The following STYK1 variants were observed in gnomAD, a reference collection of about 807,000 sequenced individuals.
STYK1 encodes the protein STY kinase 1.
STYK1 carries 46 observed loss-of-function variants against 48.1 expected under a neutral mutation model. The observed-to-expected ratio is 0.96, with a 90% CI of 0.75 to 1.22. The LOEUF (loss-of-function observed/expected upper bound fraction) is 1.22. Among genes scored for constraint, STYK1 ranks in the 50% most tolerant of loss-of-function variants. STYK1 has a pLI of 0.00. For missense variants in STYK1, 527 were observed against 521.1 expected (o/e 1.01, Z -0.11); for synonymous variants, 188 against 189.0 (o/e 0.99, Z 0.04).
Position 10,619,842 on chromosome 12 carries a change from TTTGTGCC to T in STYK1, c.*295_*301del. 4.6e-6 allele frequency: 2 copies of T among 433,566 alleles called. No individual in the cohort carries two copies. The highest frequency in any genetic ancestry group is 8.1e-6 in the Non-Finnish European group (2 of 246,968). 26.9% of individuals were successfully genotyped at this position (433,566 alleles called of 1,614,324 possible). On this transcript the variant is annotated 3_prime_UTR_variant, in exon 11 of 11. Transcript: ENST00000075503. ...GCCTCGGACGGGAGGGATGAGCTTATTTGTGCCATGCCCCAACAAATACTGCAGAGTT... is the reference window on the plus strand; with the variant it reads ...GCCTCGGACGGGAGGGATGAGCTTATATGCCCCAACAAATACTGCAGAGTT...
intron 8 of STYK1, among the ~76,000 whole-genome samples, chr12:10,623,940 G>A (rs1209400728): frequency 6.6e-6 from 1 of 152,030 alleles, no homozygotes; most frequent in Non-Finnish European, 1.5e-5. Flanking sequence ...ACATTTATAA[G>A]TTTTATGTTA....
intron 8 of STYK1, among the ~76,000 whole-genome samples, chr12:10,623,056 T>G (rs1028525942): frequency 2.6e-5 from 4 of 152,202 alleles, no homozygotes; most frequent in Non-Finnish European, 4.4e-5. Context: ...CTGCTGAAAT[T>G]CTTGCCTTTA....
chr12:10,637,695 C>T (rs980438831), intron 1 of STYK1, among the ~76,000 whole-genome samples: 11 of 152,150 alleles, frequency 7.2e-5, no homozygotes, highest in Admixed American at 1.3e-4. Flanking sequence ...TCCATGAAAG[C>T]TAATGTGGGA....
intron 1 of STYK1, among the ~76,000 whole-genome samples, chr12:10,649,834 C>T (rs564363139): frequency 6.6e-6 from 1 of 152,060 alleles, no homozygotes; most frequent in Non-Finnish European, 1.5e-5. Context: ...GGCTTCAGGC[C>T]GGGAGCAGTG....
intron 1 of STYK1, among the ~76,000 whole-genome samples, chr12:10,664,094 A>G (rs1947809386): frequency 6.6e-6 from 1 of 152,182 alleles, no homozygotes. Context: ...CCAGAAATGC[A>G]TTCTATGTGA....
intron 1 of STYK1, among the ~76,000 whole-genome samples, chr12:10,650,340 T>C (rs924331241): frequency 6.6e-6 from 1 of 152,128 alleles, no homozygotes; most frequent in African/African-American, 2.4e-5. Context: ...AGCCTTGGTT[T>C]ACTAACCTAT....
intron 1 of STYK1, among the ~76,000 whole-genome samples, chr12:10,637,960 C>G (rs866997429): frequency 2.0e-5 from 3 of 152,312 alleles, no homozygotes; most frequent in Non-Finnish European, 2.9e-5. Context: ...GATTCCTGTT[C>G]AATCTGACCA....
chr12:10,650,147 A>C (rs1027338462), intron 1 of STYK1, among the ~76,000 whole-genome samples: 2 of 149,756 alleles, frequency 1.3e-5, no homozygotes, highest in African/African-American at 2.5e-5. Flanking sequence ...AAAAAAAAAA[A>C]ATCTTGAGTT....
intron 1 of STYK1, among the ~76,000 whole-genome samples, chr12:10,663,787 T>C (rs2120803750): frequency 6.6e-6 from 1 of 151,430 alleles, no homozygotes; most frequent in African/African-American, 2.4e-5. Flanking sequence ...GTTAAGGATG[T>C]AGATCAATTT....
intron 1 of STYK1, among the ~76,000 whole-genome samples, chr12:10,663,491 C>T (rs1006326380): frequency 2.0e-5 from 3 of 150,000 alleles, no homozygotes; most frequent in Non-Finnish European, 4.4e-5. Context: ...CCCAGCTACT[C>T]GGGAGGCTGA....
intron 10 of STYK1, 61 bp from the exon 11 acceptor site, chr12:10,620,409 T>A: frequency 6.6e-7 from 1 of 1,505,738 alleles, no homozygotes; most frequent in Non-Finnish European, 9.1e-7. Context: ...GGAGCATGTC[T>A]CCTCTCCTCA....
intron 1 of STYK1, among the ~76,000 whole-genome samples, chr12:10,648,785 A>G (rs1219422280): frequency 1.3e-5 from 2 of 152,082 alleles, no homozygotes; most frequent in Non-Finnish European, 2.9e-5. Context: ...AGGCTGATGT[A>G]AAATTCCTGG....
intron 1 of STYK1, among the ~76,000 whole-genome samples, chr12:10,669,264 T>C (rs1444631756): frequency 2.0e-5 from 3 of 152,128 alleles, no homozygotes; most frequent in Non-Finnish European, 4.4e-5. Context: ...CAAGGGGGAA[T>C]GGGGAGTAGT....
At chr12:10,664,803 T>C (rs10743917) in intron 1 of STYK1, among the ~76,000 whole-genome samples, 55,986 of 152,096 alleles carry the variant, frequency 0.37, 10,767 homozygotes, top group East Asian at 0.59. Context: ...TAGTTATAAA[T>C]CACATTAGGT....
intron 10 of STYK1, 56 bp from the exon 11 acceptor site, chr12:10,620,404 A>T: frequency 6.5e-7 from 1 of 1,529,220 alleles, no homozygotes; most frequent in East Asian, 2.3e-5. Context: ...TATGGGGAGC[A>T]TGTCTCCTCT....
chr12:10,632,136 G>A (rs916668313), intron 4 of STYK1, among the ~76,000 whole-genome samples: 2 of 151,652 alleles, frequency 1.3e-5, no homozygotes, highest in African/African-American at 2.4e-5. Flanking sequence ...AGGATCTCCT[G>A]AGCCCAGGAG....
At chr12:10,629,021 A>T (rs1591677731) in intron 6 of STYK1, among the ~76,000 whole-genome samples, 1 of 152,288 alleles carries the variant, frequency 6.6e-6, no homozygotes, top group South Asian at 2.1e-4. Context: ...CCATGTTTTC[A>T]CATACATAAT....
At chr12:10,655,978 T>C (rs1277322128) in intron 1 of STYK1, among the ~76,000 whole-genome samples, 1 of 152,220 alleles carries the variant, frequency 6.6e-6, no homozygotes, top group Non-Finnish European at 1.5e-5. Flanking sequence ...AAATTGTTGA[T>C]AGGGTTTGGC....
chr12:10,647,172 C>G (rs1207235952), intron 1 of STYK1, among the ~76,000 whole-genome samples: 4 of 152,182 alleles, frequency 2.6e-5, no homozygotes, highest in Non-Finnish European at 5.9e-5. Context: ...GTAGATCCAC[C>G]AACAGCTTGC....
Sources: allele counts gnomAD v4.1 joint callset (sites outside exome capture counted in the v4.1 genomes callset), GRCh38; gene constraint gnomAD v4.1.1; transcripts MANE v1.5; gene names NCBI Gene and HGNC (gene_info 2026-07-23, HGNC 2026-07-21).